The following CHCHD3 variants were observed in gnomAD, a reference collection of about 807,000 sequenced individuals.
The protein encoded by CHCHD3 is MICOS complex subunit MIC19.
A neutral mutation model predicts 38.2 loss-of-function variants in CHCHD3; 20 were observed. That is an observed-to-expected ratio of 0.52 (90% confidence interval 0.37 to 0.76). The LOEUF is 0.76. Ranked by LOEUF, CHCHD3 falls within the 30% of genes least tolerant of loss-of-function variation. The pLI, the probability that CHCHD3 is intolerant of heterozygous loss-of-function variation, is 0.00. For synonymous variants in CHCHD3, 82 were observed against 100.0 expected (o/e 0.82, Z 1.07); for missense variants, 245 against 279.2 (o/e 0.88, Z 0.87).
intron 2 of CHCHD3, among the ~76,000 whole-genome samples, chr7:133,061,970 T>C (rs1240752510): frequency 6.6e-6 from 1 of 152,172 alleles, no homozygotes; most frequent in Non-Finnish European, 1.5e-5. Flanking sequence ...TTAAAAGCAC[T>C]TACTGTTCCC....
chr7:132,901,710 T>C (rs1290978536), intron 4 of CHCHD3, among the ~76,000 whole-genome samples: 1 of 152,222 alleles, frequency 6.6e-6, no homozygotes, highest in Non-Finnish European at 1.5e-5. Flanking sequence ...AGATTCTGGA[T>C]ATTAGCCCTT....
At chr7:133,030,987 C>CA (rs1813484712) in intron 2 of CHCHD3, among the ~76,000 whole-genome samples, 1 of 152,156 alleles carries the variant, frequency 6.6e-6, no homozygotes, top group African/African-American at 2.4e-5. Flanking sequence ...ATATTCTAAA[C>CA]AAATGCTTTG....
chr7:132,926,592 C>T (rs573647574), intron 4 of CHCHD3, among the ~76,000 whole-genome samples: 1 of 152,028 alleles, frequency 6.6e-6, no homozygotes, highest in African/African-American at 2.4e-5. Context: ...CTGTAAGCTG[C>T]ACTTTTGATA....
chr7:132,950,023 A>T (rs534356555), intron 4 of CHCHD3, among the ~76,000 whole-genome samples: 22 of 152,266 alleles, frequency 1.4e-4, no homozygotes, highest in Middle Eastern at 6.8e-3. Context: ...CCTCTTCATA[A>T]TTCTGTTGTA....
intron 4 of CHCHD3, among the ~76,000 whole-genome samples, chr7:132,891,471 C>T (rs1412562613): frequency 6.6e-6 from 1 of 152,164 alleles, no homozygotes; most frequent in African/African-American, 2.4e-5. Flanking sequence ...TACAAAAGCC[C>T]ATTCTTCCAA....
chr7:132,815,047 T>G (rs1030132414), intron 6 of CHCHD3, among the ~76,000 whole-genome samples: 1 of 152,222 alleles, frequency 6.6e-6, no homozygotes, highest in Non-Finnish European at 1.5e-5. Context: ...ATAATTTTTA[T>G]CACAACCACA....
At chr7:132,911,171 TG>T (rs1809938460) in intron 4 of CHCHD3, among the ~76,000 whole-genome samples, 1 of 152,046 alleles carries the variant, frequency 6.6e-6, no homozygotes, top group Non-Finnish European at 1.5e-5. Flanking sequence ...AGTGTCTAAA[TG>T]AACACATCAA....
chr7:132,840,965 G>T (rs1188984192), intron 5 of CHCHD3, among the ~76,000 whole-genome samples: 2 of 151,954 alleles, frequency 1.3e-5, no homozygotes, highest in Non-Finnish European at 2.9e-5. Flanking sequence ...TGTGTTGCTT[G>T]AAAACTTAGC....
Position 132,796,556 on chromosome 7 carries a change from G to A in CHCHD3, c.546C>T (p.Val182=), listed in dbSNP as rs901614166. The change falls in exon 7 of 8, where the codon GTC becomes GTT. Residue 182 remains valine (V), a synonymous_variant. Coordinates refer to ENST00000262570, the MANE Select transcript of CHCHD3 (RefSeq NM_017812.4). ...AKFKRYESHP[V]CADLQAKILQ... ...GAATTTTGGCCTGCAGATCAGCACA[G>A]ACTGGATGAGACTCATATCGCCTGA... 1 of 1,613,676 alleles carries A rather than the reference G, an allele frequency of 6.2e-7. No individual in the cohort carries two copies. Among genetic ancestry groups the A allele is most frequent in the African/African-American group, 1.3e-5 (1 of 74,906 alleles).
chr7:132,970,195 GC>G (rs1055146230), intron 4 of CHCHD3, among the ~76,000 whole-genome samples: 2 of 152,150 alleles, frequency 1.3e-5, no homozygotes, highest in African/African-American at 4.8e-5. Context: ...ACGTTTCCAA[GC>G]TTTTGCCTGC....
At chr7:132,860,316 AAGAGAGAG>A (rs60747145) in intron 5 of CHCHD3, among the ~76,000 whole-genome samples, 10 of 134,618 alleles carry the variant, frequency 7.4e-5, no homozygotes, top group African/African-American at 2.7e-4. Context: ...GAGAGAGAGA[AAGAGAGAG>A]AGAGAGAGAG....
At chr7:132,873,175 A>G (rs938234784) in intron 5 of CHCHD3, among the ~76,000 whole-genome samples, 3 of 152,136 alleles carry the variant, frequency 2.0e-5, no homozygotes, top group African/African-American at 4.8e-5. Context: ...AAAATTTAAT[A>G]GTCCACCACT....
chr7:133,063,238 G>T (rs906045346), intron 2 of CHCHD3, among the ~76,000 whole-genome samples: 1 of 152,122 alleles, frequency 6.6e-6, no homozygotes, highest in Non-Finnish European at 1.5e-5. Context: ...GGTGTCCTAG[G>T]CCTGGGGAGA....
intron 3 of CHCHD3, among the ~76,000 whole-genome samples, chr7:132,976,359 A>T (rs1811768783): frequency 1.3e-5 from 2 of 152,214 alleles, no homozygotes; most frequent in Non-Finnish European, 2.9e-5. Context: ...GAAGCATAAG[A>T]TTGCATTAGA....
At chr7:133,053,947 G>A (rs540466781) in intron 2 of CHCHD3, among the ~76,000 whole-genome samples, 4 of 152,186 alleles carry the variant, frequency 2.6e-5, no homozygotes, top group Non-Finnish European at 4.4e-5. Context: ...CCACAATGTG[G>A]AAGAAAAAAG....
At chr7:132,799,792 TCC>T (rs1238014754) in intron 6 of CHCHD3, among the ~76,000 whole-genome samples, 1 of 152,162 alleles carries the variant, frequency 6.6e-6, no homozygotes, top group African/African-American at 2.4e-5. Flanking sequence ...CTTTCATGGA[TCC>T]TACCATATGT....
intron 4 of CHCHD3, among the ~76,000 whole-genome samples, chr7:132,903,999 C>T (rs1407712609): frequency 6.6e-6 from 1 of 152,102 alleles, no homozygotes; most frequent in Non-Finnish European, 1.5e-5. Context: ...GTGGCTCATG[C>T]CTGTAATGCC....
intron 3 of CHCHD3, among the ~76,000 whole-genome samples, chr7:132,976,702 A>G (rs1811776838): frequency 6.6e-6 from 1 of 152,238 alleles, no homozygotes; most frequent in South Asian, 2.1e-4. Flanking sequence ...GTGAATGATG[A>G]GCACCAAATT....
intron 5 of CHCHD3, among the ~76,000 whole-genome samples, chr7:132,878,295 AT>A (rs905960122): frequency 1.3e-5 from 2 of 152,124 alleles, no homozygotes; most frequent in Admixed American, 6.6e-5. Context: ...TGTTGGCATT[AT>A]TTTTTCCCCA....
Sources: gnomAD v4.1 joint callset for allele counts (sites outside exome capture counted in the v4.1 genomes callset) on GRCh38, gnomAD v4.1.1 for gene constraint, MANE v1.5 for transcripts, NCBI Gene and HGNC (gene_info 2026-07-23, HGNC 2026-07-21) for gene names.